The following DMD variants were observed in gnomAD, a reference collection of about 807,000 sequenced individuals.
DMD encodes the protein dystrophin, also known as mutant dystrophin.
DMD carries 63 observed loss-of-function variants against 330.1 expected under a neutral mutation model. The ratio of observed to expected loss-of-function variants is 0.19; its 90% CI spans 0.16 to 0.24. The LOEUF (loss-of-function observed/expected upper bound fraction) is 0.24. Among genes scored for constraint, DMD ranks in the 10% least tolerant of loss-of-function variants. The pLI is 1.00. For synonymous variants in DMD, 1,223 were observed against 959.8 expected (o/e 1.27, Z -5.07); for missense variants, 3,344 against 2,684.1 (o/e 1.25, Z -5.43).
chrX:31,725,082 C>T (rs1041967864), intron 52 of DMD, among the ~76,000 whole-genome samples: 2 of 111,655 alleles, frequency 1.8e-5, no homozygotes, highest in African/African-American at 6.5e-5. Context: ...TTCTGACTAA[C>T]CAGCCTTTTC....
At chrX:31,804,237 A>G (rs748111685) in intron 50 of DMD, among the ~76,000 whole-genome samples, 2 of 111,420 alleles carry the variant, frequency 1.8e-5, no homozygotes, top group Non-Finnish European at 3.8e-5. Flanking sequence ...AGTAATTTCT[A>G]CCACGGTCTA....
At chrX:32,854,077 A>G (rs760535956) in intron 2 of DMD, among the ~76,000 whole-genome samples, 1 of 111,877 alleles carries the variant, frequency 8.9e-6, no homozygotes, top group East Asian at 2.8e-4. Context: ...ATATAAAGCA[A>G]CATTATTAGA....
intron 16 of DMD, among the ~76,000 whole-genome samples, chrX:32,559,669 CAGAAA>C (rs753318962): frequency 1.8e-5 from 2 of 111,376 alleles, no homozygotes; most frequent in Non-Finnish European, 1.9e-5. Flanking sequence ...AGAATTAACT[CAGAAA>C]AGAAGAACAT....
rs1036539379 is a variant in DMD, at chrX:31,498,109, A to T, written c.8391-1165T>A. ...GAAGGATAATTTGACAATACATAAA[A>T]GTCTTTAAAATGTGCAAAGACAATG... On this transcript the variant is annotated intron_variant, in intron 56 of 78. Transcript: ENST00000357033. Among the ~76,000 whole-genome samples, 5 of 112,385 alleles carry T rather than the reference A, an allele frequency of 4.4e-5. No homozygotes were observed. The South Asian group carries it at 1.1e-3, about 25-fold the overall frequency.
At chrX:31,159,783 C>T (rs1015344205) in intron 74 of DMD, among the ~76,000 whole-genome samples, 1 of 112,108 alleles carries the variant, frequency 8.9e-6, no homozygotes, top group African/African-American at 3.2e-5. Flanking sequence ...TGCTAAGCAC[C>T]AAGCCACACG....
chrX:32,774,336 A>G lies in DMD; in HGVS notation c.649+35157T>C, dbSNP rs181054248. Among the ~76,000 whole-genome samples the G allele has an allele frequency of 1.2e-3, 131 of 112,178 alleles. 1 individual carries two copies. Among genetic ancestry groups the G allele is most frequent in the African/African-American group, 3.9e-3 (120 of 30,889 alleles). On this transcript the variant is annotated intron_variant, in intron 7 of 78. Transcript: ENST00000357033. ...TTAAAGCTGTTTAAGTCCACAGTCA[A>G]TTACACTGAAACACTGATTCCAAGA...
intron 37 of DMD, among the ~76,000 whole-genome samples, chrX:32,352,020 T>A (rs1241060994): frequency 5.4e-5 from 6 of 111,158 alleles, no homozygotes; most frequent in Non-Finnish European, 1.1e-4. Flanking sequence ...AGATTAAGAA[T>A]TTGAGTAGTT....
rs184790220 is a variant in DMD at position 32,856,725 on chromosome X, G to T, written c.94-6905C>A. 2.2e-3 allele frequency among the ~76,000 whole-genome samples: 246 copies of T among 111,683 alleles called. 2 individuals are homozygous for T. Among genetic ancestry groups the T allele is most frequent in the African/African-American group, 7.7e-3 (238 of 30,762 alleles). ...GTGGGTACAAAAATCTAGTTAGAAT[G>T]AGTAAGATCTATTTGGCAACACAAG... On this transcript the variant is annotated intron_variant, in intron 2 of 78. Transcript: ENST00000357033.
At chrX:31,921,429 C>A (rs1490569940) in intron 47 of DMD, among the ~76,000 whole-genome samples, 1 of 111,336 alleles carries the variant, frequency 9.0e-6, no homozygotes, top group Non-Finnish European at 1.9e-5. Flanking sequence ...CCACGAGAGC[C>A]ATTTGGTTGT....
intron 2 of DMD, among the ~76,000 whole-genome samples, chrX:32,940,909 C>T (rs1411268088): frequency 6.3e-5 from 7 of 111,247 alleles, no homozygotes; most frequent in African/African-American, 2.3e-4. Flanking sequence ...ACATATCACA[C>T]AAAGGTTCAA....
At chrX:32,279,503 T>C (rs1456730723) in intron 43 of DMD, among the ~76,000 whole-genome samples, 1 of 111,319 alleles carries the variant, frequency 9.0e-6, no homozygotes, top group African/African-American at 3.3e-5. Context: ...GATCCTTTCA[T>C]TTGCAACATC....
chrX:32,355,390 G>A (rs1283002052), intron 37 of DMD, among the ~76,000 whole-genome samples: 1 of 110,995 alleles, frequency 9.0e-6, no homozygotes, highest in East Asian at 2.8e-4. Context: ...AAAGTCTCTG[G>A]TCCAAAGCAA....
intron 30 of DMD, among the ~76,000 whole-genome samples, chrX:32,397,396 A>T (rs1026789235): frequency 8.9e-6 from 1 of 111,782 alleles, no homozygotes; most frequent in African/African-American, 3.2e-5. Context: ...TGATGTGAAC[A>T]CTCACATATG....
intron 1 of DMD, among the ~76,000 whole-genome samples, chrX:33,074,353 G>T (rs1178514678): frequency 9.0e-6 from 1 of 111,109 alleles, no homozygotes; most frequent in Non-Finnish European, 1.9e-5. Flanking sequence ...TTCGCAAATC[G>T]TTCATTGCTC....
intron 44 of DMD, among the ~76,000 whole-genome samples, chrX:32,212,918 A>G (rs1387852301): frequency 9.0e-6 from 1 of 111,198 alleles, no homozygotes; most frequent in Non-Finnish European, 1.9e-5. Context: ...ATAGAGTTGC[A>G]TGGAACCAGA....
intron 41 of DMD, among the ~76,000 whole-genome samples, chrX:32,311,910 G>A (rs2097563955): frequency 9.0e-6 from 1 of 111,631 alleles, no homozygotes; most frequent in South Asian, 3.6e-4. Flanking sequence ...TGACCATTAT[G>A]TTGTTCTTAA....
chrX:31,337,910 C>A (rs986663475), intron 61 of DMD, among the ~76,000 whole-genome samples: 1 of 111,794 alleles, frequency 8.9e-6, no homozygotes, highest in East Asian at 2.8e-4. Context: ...CAGCTAAATG[C>A]GCCCATTCAG....
At chrX:32,615,765 C>G (rs143782244) in intron 11 of DMD, among the ~76,000 whole-genome samples, 3,597 of 111,126 alleles carry the variant, frequency 0.032, 51 homozygotes, top group Non-Finnish European at 0.05. Context: ...GATTATAATA[C>G]AAAGAGTTAT....
In DMD at chrX:31,857,380, G is replaced by GGAAAAAA. The variant is rs1448687044; in HGVS notation, c.7098+17807_7098+17808insTTTTTTC. Among the ~76,000 whole-genome samples the GGAAAAAA allele has an allele frequency of 1.1e-4, 4 of 36,786 alleles. 1 individual carries two copies. The highest frequency in any genetic ancestry group is 4.6e-4 in the African/African-American group (4 of 8,642). The allele number at this position is 36,786 out of a possible 115,157, so 31.9% of individuals were successfully genotyped here. On this transcript the variant is annotated intron_variant, in intron 48 of 78. Coordinates refer to ENST00000357033, the MANE Select transcript of DMD (RefSeq NM_004006.3). ...GGTGATGGAGCAAGACTCCACCTCG[G>GGAAAAAA]AAAAAAAAAAAAAAAAAAAAAAAAA...
Sources: allele counts gnomAD v4.1 joint callset (sites outside exome capture counted in the v4.1 genomes callset), GRCh38; gene constraint gnomAD v4.1.1; transcripts MANE v1.5; gene names NCBI Gene and HGNC (gene_info 2026-07-23, HGNC 2026-07-21).